Variants in RMC1 observed in about 807,000 individuals in gnomAD.
RMC1 encodes regulator of MON1-CCZ1.
A neutral mutation model predicts 95.5 loss-of-function variants in RMC1; 44 were observed. The observed-to-expected ratio is 0.46, with a 90% CI of 0.36 to 0.59. The LOEUF is 0.59. Among genes scored for constraint, RMC1 ranks in the 20% least tolerant of loss-of-function variants. The pLI is 0.00. For missense variants in RMC1, 705 were observed against 819.6 expected, an observed-to-expected ratio of 0.86 and a Z score of 1.71; for synonymous variants, 320 against 303.6, an observed-to-expected ratio of 1.05 and a Z score of -0.56.
Position 23,530,553 on chromosome 18 carries a change from T to C in RMC1, c.1835T>C (p.Ile612Thr), listed in dbSNP as rs1307094632. Reference sequence around the variant, plus strand: ...GAAGACAACATGCTTTTCTATACAATATTCCGCTTTTTTGAACAGCGAAAC... The same window carrying C: ...GAAGACAACATGCTTTTCTATACAACATTCCGCTTTTTTGAACAGCGAAAC... ...QTEDNMLFYT[I>T]FRFFEQRNQR... is the part of the protein sequence containing the mutation. The change falls in exon 19 of 20, where the codon ATA becomes ACA. Residue 612 changes from isoleucine (I) to threonine (T), a missense_variant. Coordinates refer to ENST00000269221, the MANE Select transcript of RMC1 (RefSeq NM_013326.5). 2.5e-6 allele frequency: 4 copies of C among 1,614,078 alleles called. No individual in the cohort carries two copies. Among genetic ancestry groups the C allele is most frequent in the African/African-American group, 1.3e-5 (1 of 74,936 alleles).
At chr18:23,510,562 G>C (rs1210715203) in intron 5 of RMC1, among the ~76,000 whole-genome samples, 1 of 152,050 alleles carries the variant, frequency 6.6e-6, no homozygotes, top group Non-Finnish European at 1.5e-5. Flanking sequence ...CCAGGGAATT[G>C]CTTGAACCTG....
rs1369689657 is a variant in RMC1 at position 23,531,783 on chromosome 18, T to A, written c.*79T>A. On this transcript the variant is annotated 3_prime_UTR_variant, in exon 20 of 20. Coordinates refer to ENST00000269221, the MANE Select transcript of RMC1 (RefSeq NM_013326.5). ...TAATAAAGCTCTTTAAACTATAAAA[T>A]GTTATAAAGTGTATCTACAACCTCA... The A allele has an allele frequency of 1.3e-6, 2 of 1,553,796 alleles. No individual in the cohort carries two copies. Among genetic ancestry groups the A allele is most frequent in the East Asian group, 4.5e-5 (2 of 44,024 alleles).
At chr18:23,515,728 T>G in intron 5 of RMC1, 128 bp from the exon 6 acceptor site, 1 of 1,054,310 alleles carries the variant, frequency 9.5e-7, no homozygotes, top group Non-Finnish European at 1.4e-6. Context: ...AGATGGGGTT[T>G]TACCATTTTG....
rs777820397 is a variant in RMC1 at position 23,530,375 on chromosome 18, C to T, written c.1669-12C>T. ...GTTTGCACTGACCTGGACTTCTCTC[C>T]CTTACTGCTAGCGACTTTCAACAGC... is the stretch of plus-strand genomic sequence containing the variant. On this transcript the variant is annotated splice_polypyrimidine_tract_variant and intron_variant, in intron 18 of 19. Transcript: ENST00000269221. The T allele has an allele frequency of 7.4e-6, 12 of 1,614,004 alleles. No individual in the cohort carries two copies. The highest frequency in any genetic ancestry group is 1.3e-5 in the African/African-American group (1 of 74,922).
intron 14 of RMC1, 156 bp downstream of exon 14, chr18:23,528,057 G>A: frequency 1.7e-6 from 1 of 582,570 alleles, no homozygotes; most frequent in Non-Finnish European, 3.0e-6. Context: ...GTGGGGGATA[G>A]TGGAGGAGTA....
In RMC1 at chr18:23,531,801, C is replaced by T. The variant is rs1050372197; in HGVS notation, c.*97C>T. 17 of 1,528,376 alleles carry T rather than the reference C, an allele frequency of 1.1e-5. No individual in the cohort carries two copies. The highest frequency in any genetic ancestry group is 1.5e-5 in the Non-Finnish European group (17 of 1,146,848). 94.7% of individuals were successfully genotyped at this position (1,528,376 alleles called of 1,614,324 possible). ...TATAAAATGTTATAAAGTGTATCTA[C>T]AACCTCAACTGTCACTAAAAATATG... On this transcript the variant is annotated 3_prime_UTR_variant, in exon 20 of 20. Coordinates refer to ENST00000269221, the MANE Select transcript of RMC1 (RefSeq NM_013326.5).
At chr18:23,519,252 T>TTA in intron 9 of RMC1, 78 bp downstream of exon 9, 2 of 1,298,522 alleles carry the variant, frequency 1.5e-6, no homozygotes, top group Non-Finnish European at 2.2e-6. Context: ...GCACGGTGGA[T>TTA]CACGCCTGTA....
chr18:23,524,991 G>T (rs1200483095), intron 12 of RMC1, among the ~76,000 whole-genome samples: 1 of 126,660 alleles, frequency 7.9e-6, no homozygotes, highest in East Asian at 2.5e-4. Context: ...TCGTTGCCCA[G>T]GCTGGAGTGC....
chr18:23,517,369 C>T (rs2058035867), intron 7 of RMC1, among the ~76,000 whole-genome samples: 2 of 152,126 alleles, frequency 1.3e-5, no homozygotes, highest in East Asian at 1.9e-4. Flanking sequence ...AGGGTGGTCT[C>T]GGTCTCTTGA....
chr18:23,521,707 TC>T (rs34406870), intron 10 of RMC1, among the ~76,000 whole-genome samples: 10 of 151,604 alleles, frequency 6.6e-5, no homozygotes, highest in Non-Finnish European at 1.3e-4. Context: ...TTTTTTTTTT[TC>T]CTTAAACAGA....
intron 15 of RMC1, 85 bp downstream of exon 15, chr18:23,529,383 G>C: frequency 2.0e-6 from 3 of 1,512,790 alleles, no homozygotes; most frequent in Non-Finnish European, 2.6e-6. Flanking sequence ...CATGTGATTA[G>C]AGTCACTTGA....
intron 12 of RMC1, among the ~76,000 whole-genome samples, chr18:23,525,248 A>G (rs116488247): frequency 0.015 from 2,213 of 150,478 alleles, 54 homozygotes; most frequent in African/African-American, 0.051. Context: ...GCCCGGCCTA[A>G]AGAAATCTTA....
At chr18:23,513,309 T>C (rs1398626608) in intron 5 of RMC1, among the ~76,000 whole-genome samples, 1 of 152,222 alleles carries the variant, frequency 6.6e-6, no homozygotes, top group Non-Finnish European at 1.5e-5. Flanking sequence ...ATTTGTCCCT[T>C]TGTGACTGGC....
At chr18:23,506,558 A>G in intron 2 of RMC1, 1 of 186,528 alleles carries the variant, frequency 5.4e-6, no homozygotes, top group Non-Finnish European at 1.1e-5. Flanking sequence ...TGAGGCGGTC[A>G]TGAGACACTG....
chr18:23,507,653 T>C (rs2057749150), intron 3 of RMC1, among the ~76,000 whole-genome samples: 2 of 152,192 alleles, frequency 1.3e-5, no homozygotes, highest in South Asian at 4.1e-4. Flanking sequence ...CTTCCATCAG[T>C]TTTAAGTGTT....
chr18:23,507,950 C>T, intron 3 of RMC1, 35 bp from the exon 4 acceptor site: 2 of 1,600,448 alleles, frequency 1.2e-6, no homozygotes, highest in Non-Finnish European at 1.7e-6. Flanking sequence ...CTGCCTAATC[C>T]AAATTTGTGT....
At chr18:23,531,212 A>G (rs2058493070) in intron 19 of RMC1, among the ~76,000 whole-genome samples, 1 of 152,058 alleles carries the variant, frequency 6.6e-6, no homozygotes, top group African/African-American at 2.4e-5. Flanking sequence ...GCTGGTCTCA[A>G]ACTCCTGACC....
At chr18:23,504,271 C>T in intron 1 of RMC1, 100 bp from the exon 2 acceptor site, 1 of 940,852 alleles carries the variant, frequency 1.1e-6, no homozygotes, top group Non-Finnish European at 1.7e-6. Flanking sequence ...TTAGTTGAAC[C>T]CAGGGTGGTG....
chr18:23,520,431 T>C (rs2058113384), intron 10 of RMC1, 118 bp downstream of exon 10: 19 of 863,236 alleles, frequency 2.2e-5, no homozygotes. Flanking sequence ...GATTCCCAGA[T>C]CTGTCTGATT....
Sources: allele counts gnomAD v4.1 joint callset (sites outside exome capture counted in the v4.1 genomes callset), GRCh38; gene constraint gnomAD v4.1.1; transcripts MANE v1.5; gene names NCBI Gene and HGNC (gene_info 2026-07-23, HGNC 2026-07-21).